Variants in TRPM3 observed in about 807,000 individuals in gnomAD.
The protein encoded by TRPM3 is long transient receptor potential channel 3.
A neutral mutation model predicts 181.2 loss-of-function variants in TRPM3; 77 were observed. The ratio of observed to expected loss-of-function variants is 0.42; its 90% CI spans 0.35 to 0.51. TRPM3 has a LOEUF of 0.51. TRPM3 is among the 20% of genes least tolerant of loss of function. The pLI is 0.01. For missense variants in TRPM3, 1,759 were observed against 2,196.7 expected (o/e 0.80, Z 3.98); for synonymous variants, 745 against 796.4 (o/e 0.94, Z 1.09).
chr9:71,274,604 A>G (rs2084051729), intron 1 of TRPM3, among the ~76,000 whole-genome samples: 1 of 152,216 alleles, frequency 6.6e-6, no homozygotes, highest in South Asian at 2.1e-4. Context: ...TAAATTCCTT[A>G]AGAGACTGCA....
rs1165204997 is a variant in TRPM3, at chr9:70,588,480, G to A, written c.3223+2551C>T. On this transcript the variant is annotated intron_variant, in intron 22 of 25. Coordinates refer to ENST00000677713, the MANE Select transcript of TRPM3 (RefSeq NM_001366145.2). ...ATTCTGAAGTAAAAAAAAAAAAAGAGTTAGCTATGGAGCACACGCATTCCG... is the reference window on the plus strand; with the variant it reads ...ATTCTGAAGTAAAAAAAAAAAAAGAATTAGCTATGGAGCACACGCATTCCG... Among the ~76,000 whole-genome samples the A allele has an allele frequency of 2.0e-5, 3 of 151,800 alleles. No individual in the cohort carries two copies. In the East Asian group the frequency reaches 5.8e-4, roughly 29 times the overall value.
At position 71,173,820 on chromosome 9, in the gene TRPM3, A is replaced by G. The variant is rs552234107; in HGVS notation, c.183+272833T>C. Among the ~76,000 whole-genome samples, 6 of 152,370 alleles carry G rather than the reference A, an allele frequency of 3.9e-5. No homozygotes were observed. The South Asian group carries it at 1.2e-3, about 32-fold the overall frequency. On this transcript the variant is annotated intron_variant, in intron 1 of 24. Coordinates refer to the TRPM3 transcript ENST00000357533. The stretch of plus-strand genomic sequence containing the variant: ...ATTTATTACCTAGGAACACCAATTT[A>G]TTTCTTGAAACAACTGTTCTTACTT...
At chr9:71,173,408 A>G (rs910000256) in intron 1 of TRPM3, among the ~76,000 whole-genome samples, 1 of 152,236 alleles carries the variant, frequency 6.6e-6, no homozygotes, top group African/African-American at 2.4e-5. Flanking sequence ...TGAGTAAAGT[A>G]GAGAGGAACA....
chr9:71,037,073 C>A (rs550189277), intron 1 of TRPM3, among the ~76,000 whole-genome samples: 22 of 152,140 alleles, frequency 1.4e-4, no homozygotes, highest in African/African-American at 5.1e-4. Context: ...GTAACAGTAG[C>A]AAAACTACAA....
At chr9:70,872,247 A>T (rs143618095) in intron 1 of TRPM3, among the ~76,000 whole-genome samples, 105 of 152,108 alleles carry the variant, frequency 6.9e-4, no homozygotes, top group African/African-American at 2.5e-3. Flanking sequence ...CCAATAAAAC[A>T]GGTAGTAGGC....
intron 1 of TRPM3, among the ~76,000 whole-genome samples, chr9:71,200,316 G>T (rs536536609): frequency 3.3e-5 from 5 of 151,664 alleles, no homozygotes; most frequent in Admixed American, 2.6e-4. Flanking sequence ...TTTGGAATAG[G>T]TGTGGTGTGG....
chr9:70,808,177 A>T, intron 6 of TRPM3, among the ~76,000 whole-genome samples: 1 of 152,208 alleles, frequency 6.6e-6, no homozygotes, highest in East Asian at 1.9e-4. Context: ...TTATGCTAGG[A>T]ACCTATTGTA....
intron 1 of TRPM3, among the ~76,000 whole-genome samples, chr9:70,942,490 A>G (rs1564812663): frequency 6.6e-6 from 1 of 152,144 alleles, no homozygotes; most frequent in Admixed American, 6.5e-5. Context: ...TTACAATTCA[A>G]CTCCTGCTCT....
In TRPM3 at chr9:70,650,646, A is replaced by G. The variant is rs146925949; in HGVS notation, c.1346-9986T>C. On this transcript the variant is annotated intron_variant, in intron 9 of 25. Transcript: ENST00000677713. ...CCAGTTATGCTTTTGTTGGATCTCC[A>G]CTTTCTGTCATATAATTTCTCTTTA... is the stretch of plus-strand genomic sequence containing the variant. Among the ~76,000 whole-genome samples the G allele has an allele frequency of 9.2e-3, 1,405 of 152,070 alleles. 18 individuals are homozygous for G. Among genetic ancestry groups the G allele is most frequent in the African/African-American group, 0.032 (1,336 of 41,478 alleles).
chr9:70,808,340 T>C (rs531944769), intron 6 of TRPM3, among the ~76,000 whole-genome samples: 20 of 152,330 alleles, frequency 1.3e-4, no homozygotes, highest in African/African-American at 4.6e-4. Flanking sequence ...ACAGCTCTCC[T>C]GTTGGGACCT....
chr9:71,034,970 T>G (rs1010585397), intron 1 of TRPM3, among the ~76,000 whole-genome samples: 1 of 152,120 alleles, frequency 6.6e-6, no homozygotes, highest in African/African-American at 2.4e-5. Context: ...ATATAATTTT[T>G]TTTTGCTACA....
chr9:70,558,574 A>G (rs2048305452), intron 22 of TRPM3, among the ~76,000 whole-genome samples: 2 of 152,202 alleles, frequency 1.3e-5, no homozygotes, highest in South Asian at 4.1e-4. Flanking sequence ...CTATACTGAT[A>G]AAGCTCGAAT....
chr9:70,745,593 G>A (rs1366748941), intron 8 of TRPM3, among the ~76,000 whole-genome samples: 2 of 152,054 alleles, frequency 1.3e-5, no homozygotes, highest in African/African-American at 4.8e-5. Context: ...CATTATGTTG[G>A]AGAAAAAACT....
chr9:71,081,185 C>G (rs1378727019), intron 1 of TRPM3, among the ~76,000 whole-genome samples: 1 of 152,134 alleles, frequency 6.6e-6, no homozygotes, highest in Non-Finnish European at 1.5e-5. Context: ...TAAAGAGGAG[C>G]AATGGCTATA....
At chr9:71,431,363 T>A (rs1311010044) in intron 1 of TRPM3, among the ~76,000 whole-genome samples, 1 of 152,186 alleles carries the variant, frequency 6.6e-6, no homozygotes, top group African/African-American at 2.4e-5. Context: ...GGAAATAAAG[T>A]CTTCAGGTCA....
chr9:71,334,438 T>G (rs1366265223), intron 1 of TRPM3, among the ~76,000 whole-genome samples: 1 of 151,802 alleles, frequency 6.6e-6, no homozygotes, highest in Non-Finnish European at 1.5e-5. Context: ...TGGATATAAG[T>G]CATACTAAAA....
intron 1 of TRPM3, among the ~76,000 whole-genome samples, chr9:71,065,315 A>C (rs1309240256): frequency 6.6e-6 from 1 of 152,154 alleles, no homozygotes; most frequent in East Asian, 1.9e-4. Flanking sequence ...AAGTTCCTTT[A>C]GCGTTATATT....
chr9:71,253,754 A>G (rs368691871), intron 1 of TRPM3, among the ~76,000 whole-genome samples: 8 of 152,144 alleles, frequency 5.3e-5, no homozygotes, highest in African/African-American at 1.7e-4. Context: ...CTACACTCCC[A>G]TGTTCCTTGC....
rs868715575 is a variant in TRPM3 at position 70,797,197 on chromosome 9, T to C, written c.974-12918A>G. ...TATTTCCACGTAAATTTTAAAATTA[T>C]TTATGATAGGAGTAATTTTCTCCTC... On this transcript the variant is annotated intron_variant, in intron 6 of 25. Coordinates refer to ENST00000677713, the MANE Select transcript of TRPM3 (RefSeq NM_001366145.2). Among the ~76,000 whole-genome samples the C allele has an allele frequency of 2.8e-4, 42 of 152,272 alleles. No homozygotes were observed. In the Middle Eastern group the frequency reaches 0.01, roughly 37 times the overall value.
Sources: allele counts gnomAD v4.1 joint callset (sites outside exome capture counted in the v4.1 genomes callset), GRCh38; gene constraint gnomAD v4.1.1; transcripts MANE v1.5; gene names NCBI Gene and HGNC (gene_info 2026-07-23, HGNC 2026-07-21).